FSD1L: variants seen among roughly 807,000 people sequenced by gnomAD.
FSD1L encodes the protein FSD1-like protein.
FSD1L carries 45 observed loss-of-function variants against 71.6 expected under a neutral mutation model. The observed-to-expected ratio is 0.63, with a 90% confidence interval of 0.49 to 0.81. The LOEUF is 0.81. Among genes scored for constraint, FSD1L ranks in the 30% least tolerant of loss-of-function variants. The pLI is 0.00. For missense variants in FSD1L, 561 were observed against 618.1 expected (o/e 0.91, Z 0.98); for synonymous variants, 197 against 207.2 (o/e 0.95, Z 0.42).
rs1463662616 is a variant in FSD1L, at chr9:105,550,496, AAG to A, written c.*4015_*4016del. 2.0e-5 allele frequency: 3 copies of A among 152,056 alleles called. No homozygotes were observed. The highest frequency in any genetic ancestry group is 7.2e-5 in the African/African-American group (3 of 41,450). The allele number at this position is 152,056 out of a possible 1,614,324, so 9.4% of individuals were successfully genotyped here. On this transcript the variant is annotated 3_prime_UTR_variant, in exon 14 of 14. Transcript: ENST00000481272. ...TGAATGTTTCCTTAATTATCATGGC[AAG>A]ATTACCTCACGTTCAGTATAGTTTA...
chr9:105,552,125 T>C lies in FSD1L; in HGVS notation c.*5642T>C, dbSNP rs1347243846. ...TAGTATGTCTATTATCTGGACATGATTTTGCTATGCAGTTGTGATAATAAA... is the reference window on the plus strand; with the variant it reads ...TAGTATGTCTATTATCTGGACATGACTTTGCTATGCAGTTGTGATAATAAA... On this transcript the variant is annotated 3_prime_UTR_variant, in exon 14 of 14. Transcript: ENST00000481272. The C allele has an allele frequency of 3.9e-5, 6 of 152,204 alleles. No individual in the cohort carries two copies. The highest frequency in any genetic ancestry group is 1.4e-4 in the African/African-American group (6 of 41,446). 9.4% of individuals were successfully genotyped at this position (152,204 alleles called of 1,614,324 possible). A position where few individuals can be genotyped will look rare whatever the true frequency, so the allele number is the denominator to read the frequency against.
At chr9:105,491,668 G>A (rs1020463637) in intron 7 of FSD1L, among the ~76,000 whole-genome samples, 19 of 151,706 alleles carry the variant, frequency 1.3e-4, no homozygotes, top group South Asian at 8.3e-4. Flanking sequence ...TTTGAGATAC[G>A]TCCCATCAAT....
intron 1 of FSD1L, among the ~76,000 whole-genome samples, chr9:105,449,055 G>A (rs1829819135): frequency 6.6e-6 from 1 of 152,186 alleles, no homozygotes; most frequent in African/African-American, 2.4e-5. Context: ...TAACGTAATT[G>A]AAATATAGTA....
In FSD1L at chr9:105,461,520, T is replaced by A; in HGVS notation, c.16T>A (p.Tyr6Asn). The change falls in exon 2 of 14, where the codon TAC becomes AAC. Residue 6 changes from tyrosine (Y) to asparagine (N), a missense_variant and splice_region_variant. Around this residue, in one of 3 missense-constraint regions of FSD1L, gnomAD observed 410 missense variants for 413.5 expected, o/e 0.99. Transcript: ENST00000481272. The stretch of plus-strand genomic sequence containing the variant: ...CTCCTACTGTATTTATATTGGACAG[T>A]ACTGCTTTAAGGAGAATGAAAACGT... MDSQK[Y>N]CFKENENVTV... is the part of the protein sequence containing the mutation. 6.5e-7 allele frequency: 1 copy of A among 1,542,692 alleles called. No homozygotes were observed. Among genetic ancestry groups the A allele is most frequent in the Non-Finnish European group, 8.8e-7 (1 of 1,139,198 alleles).
chr9:105,447,780 C>T (rs1588892616), upstream of FSD1L: 3 of 250,132 alleles, frequency 1.2e-5, no homozygotes, highest in South Asian at 1.4e-4. Context: ...TAATCCGTCT[C>T]CAGCACCAGA....
intron 7 of FSD1L, among the ~76,000 whole-genome samples, chr9:105,496,014 G>C: frequency 6.6e-6 from 1 of 151,282 alleles, no homozygotes; most frequent in East Asian, 1.9e-4. Flanking sequence ...GTCCTTATCA[G>C]ATGTTTCTTT....
chr9:105,498,311 A>T (rs1474592865), intron 7 of FSD1L, among the ~76,000 whole-genome samples: 1 of 151,812 alleles, frequency 6.6e-6, no homozygotes, highest in Non-Finnish European at 1.5e-5. Flanking sequence ...GTGGGGATAC[A>T]TTCTAAGAAA....
intron 13 of FSD1L, among the ~76,000 whole-genome samples, chr9:105,541,510 C>A (rs1383995862): frequency 6.6e-6 from 1 of 151,814 alleles, no homozygotes; most frequent in Admixed American, 6.6e-5. Flanking sequence ...CCAAATAATA[C>A]TCTAATTATA....
chr9:105,545,525 G>A (rs1057100453), intron 13 of FSD1L, among the ~76,000 whole-genome samples: 3 of 150,678 alleles, frequency 2.0e-5, no homozygotes, highest in South Asian at 4.2e-4. Flanking sequence ...AATGCTTCCA[G>A]TTTTTGCCCA....
chr9:105,471,588 G>A (rs1392472131), intron 4 of FSD1L, among the ~76,000 whole-genome samples: 1 of 151,838 alleles, frequency 6.6e-6, no homozygotes, highest in East Asian at 1.9e-4. Flanking sequence ...GCTTCGCTTA[G>A]GTCCCTTTTT....
intron 5 of FSD1L, chr9:105,472,725 G>A (rs1413282977): frequency 1.3e-5 from 2 of 152,110 alleles, no homozygotes; most frequent in Non-Finnish European, 2.9e-5. Context: ...TATGCCTAGT[G>A]ATTGTTTTCA....
intron 10 of FSD1L, chr9:105,523,447 G>C: frequency 6.2e-7 from 1 of 1,608,504 alleles, no homozygotes; most frequent in Non-Finnish European, 8.5e-7. Context: ...ACTGTAATGT[G>C]GCGAAGAATG....
rs796495548 is a variant in FSD1L at position 105,485,936 on chromosome 9, CT to C, written c.586+1444del. Among the ~76,000 whole-genome samples the C allele has an allele frequency of 2.2e-4, 33 of 148,596 alleles. No homozygotes were observed. In the South Asian group the frequency reaches 4.5e-3, roughly 20 times the overall value. On this transcript the variant is annotated intron_variant, in intron 7 of 13. Coordinates refer to ENST00000481272, the MANE Select transcript of FSD1L (RefSeq NM_001145313.3). ...GGGATTACAGGCGTGAGCACAAGTACTTTTTTTTTTGGAGTCTGTTTTTGAA... is the reference window on the plus strand; with the variant it reads ...GGGATTACAGGCGTGAGCACAAGTACTTTTTTTTTGGAGTCTGTTTTTGAA...
chr9:105,522,158 GT>G, intron 10 of FSD1L: 1 of 1,613,976 alleles, frequency 6.2e-7, no homozygotes, highest in Non-Finnish European at 8.5e-7. Flanking sequence ...ACCTAAATGT[GT>G]ACATCTCCCG....
chr9:105,508,140 A>G (rs1411906981), intron 8 of FSD1L, among the ~76,000 whole-genome samples: 2 of 149,702 alleles, frequency 1.3e-5, no homozygotes, highest in Admixed American at 6.6e-5. Context: ...CTGGGATTAC[A>G]GGCGTGAGCC....
At chr9:105,444,885 G>A (rs1232253059), upstream of FSD1L, among the ~76,000 whole-genome samples, 55 of 152,152 alleles carry the variant, frequency 3.6e-4, 2 homozygotes, top group Non-Finnish European at 5.6e-4. Flanking sequence ...CAGATTTTTG[G>A]ATTCTACTCC....
At chr9:105,484,150 G>A (rs1477372944) in intron 6 of FSD1L, among the ~76,000 whole-genome samples, 1 of 152,030 alleles carries the variant, frequency 6.6e-6, no homozygotes, top group Non-Finnish European at 1.5e-5. Context: ...ATAAAAATTG[G>A]CTGGGAGGAA....
chr9:105,532,035 G>A (rs1177262104), intron 10 of FSD1L, among the ~76,000 whole-genome samples: 2 of 152,194 alleles, frequency 1.3e-5, no homozygotes, highest in African/African-American at 4.8e-5. Context: ...GCTGGTTAAA[G>A]GAGGGAGGAA....
chr9:105,457,676 G>T (rs1024371701), intron 1 of FSD1L, among the ~76,000 whole-genome samples: 1 of 152,198 alleles, frequency 6.6e-6, no homozygotes, highest in Non-Finnish European at 1.5e-5. Context: ...GGCTTGTTCT[G>T]CCCACTTGGC....
Sources: gnomAD v4.1 joint callset for allele counts (sites outside exome capture counted in the v4.1 genomes callset) on GRCh38, gnomAD v4.1.1 for gene constraint, gnomAD v4.1.1 regional missense constraint, MANE v1.5 for transcripts, NCBI Gene and HGNC (gene_info 2026-07-23, HGNC 2026-07-21) for gene names.